The following LAMA2 variants were observed in gnomAD, a reference collection of about 807,000 sequenced individuals.
LAMA2 encodes laminin subunit alpha 2.
Under a neutral mutation model 364.8 loss-of-function variants are expected in LAMA2, and 269 were observed. The observed-to-expected ratio is 0.74, with a 90% CI of 0.67 to 0.82. LAMA2 has a LOEUF of 0.82. Among genes scored for constraint, LAMA2 ranks in the 40% least tolerant of loss-of-function variants. The pLI is 0.00. For synonymous variants in LAMA2, 1,379 were observed against 1,370.6 expected, an observed-to-expected ratio of 1.01 and a Z score of -0.14; for missense variants, 3,807 against 3,873.2, an observed-to-expected ratio of 0.98 and a Z score of 0.45.
intron 20 of LAMA2, among the ~76,000 whole-genome samples, chr6:129,292,066 G>T (rs188589153): frequency 6.6e-6 from 1 of 152,288 alleles, no homozygotes; most frequent in East Asian, 1.9e-4. Context: ...TACTCTTGGG[G>T]CTGGGCGCGG....
chr6:129,319,470 C>G (rs553909503), intron 27 of LAMA2, among the ~76,000 whole-genome samples: 27 of 152,218 alleles, frequency 1.8e-4, no homozygotes, highest in South Asian at 4.2e-4. Context: ...AATATGTACT[C>G]TTAACATTTG....
chr6:128,957,753 G>A (rs940387954), intron 1 of LAMA2, among the ~76,000 whole-genome samples: 6 of 151,232 alleles, frequency 4.0e-5, no homozygotes, highest in African/African-American at 1.5e-4. Context: ...ACACTCAGTA[G>A]TGACCAGGTC....
intron 1 of LAMA2, among the ~76,000 whole-genome samples, chr6:128,953,036 C>T (rs1229732216): frequency 6.6e-6 from 1 of 152,162 alleles, no homozygotes; most frequent in Admixed American, 6.5e-5. Context: ...GGAAAAATAC[C>T]TCCTGTTCTT....
chr6:128,970,372 C>A (rs1466521483), intron 1 of LAMA2, among the ~76,000 whole-genome samples: 3 of 152,110 alleles, frequency 2.0e-5, no homozygotes, highest in Non-Finnish European at 4.4e-5. Flanking sequence ...AAACGTCTGT[C>A]ACTTTTAATA....
chr6:129,452,001 C>T (rs1782698628), intron 45 of LAMA2, among the ~76,000 whole-genome samples: 1 of 152,184 alleles, frequency 6.6e-6, no homozygotes, highest in Non-Finnish European at 1.5e-5. Context: ...TGGAAATTCA[C>T]TGCTAGTGAA....
Position 129,318,594 on chromosome 6 carries a change from T to G in LAMA2, c.4059-1944T>G, listed in dbSNP as rs568492472. Among the ~76,000 whole-genome samples the G allele has an allele frequency of 1.1e-4, 16 of 152,272 alleles. No homozygotes were observed. In the East Asian group the frequency reaches 2.3e-3, roughly 22 times the overall value. On this transcript the variant is annotated intron_variant, in intron 27 of 64. Coordinates refer to ENST00000421865, the MANE Select transcript of LAMA2 (RefSeq NM_000426.4). ...TGCCAATGCAAAGTTACCTTCTTACTCCCACAGAGAGCCCAGAGAACATAA... is the reference window on the plus strand; with the variant it reads ...TGCCAATGCAAAGTTACCTTCTTACGCCCACAGAGAGCCCAGAGAACATAA...
chr6:129,505,136 C>T, intron 60 of LAMA2, 64 bp from the exon 61 acceptor site: 1 of 1,417,188 alleles, frequency 7.1e-7, no homozygotes, highest in Non-Finnish European at 1.0e-6. Context: ...GTCCTTATGT[C>T]TTATACTCTG....
chr6:129,014,347 G>A (rs1784951209), intron 1 of LAMA2, among the ~76,000 whole-genome samples: 1 of 152,060 alleles, frequency 6.6e-6, no homozygotes, highest in African/African-American at 2.4e-5. Context: ...TCCCCTCTGC[G>A]TTTATACCAT....
intron 1 of LAMA2, among the ~76,000 whole-genome samples, chr6:128,977,634 A>G (rs1782616178): frequency 6.6e-6 from 1 of 152,040 alleles, no homozygotes; most frequent in Non-Finnish European, 1.5e-5. Context: ...ATTACCTTCA[A>G]CAGTGCTTTC....
chr6:129,375,184 T>C (rs1455399962), intron 34 of LAMA2, among the ~76,000 whole-genome samples: 2 of 152,162 alleles, frequency 1.3e-5, no homozygotes, highest in Non-Finnish European at 1.5e-5. Flanking sequence ...TACATAATCA[T>C]ATATCTCTTT....
At chr6:129,315,683 G>A (rs749669922) in intron 25 of LAMA2, 28 bp downstream of exon 25, 1 of 1,611,676 alleles carries the variant, frequency 6.2e-7, no homozygotes, top group East Asian at 2.2e-5. Flanking sequence ...AATGTCAAGT[G>A]AGAACAAGAT....
At chr6:128,960,462 ACC>A (rs201946370) in intron 1 of LAMA2, among the ~76,000 whole-genome samples, 2 of 99,542 alleles carry the variant, frequency 2.0e-5, no homozygotes, top group South Asian at 6.6e-4. Context: ...CCTTGGCCCC[ACC>A]CCGCCCCCGC....
intron 1 of LAMA2, among the ~76,000 whole-genome samples, chr6:128,974,832 G>A (rs1016340168): frequency 1.5e-4 from 23 of 150,910 alleles, no homozygotes; most frequent in Middle Eastern, 3.5e-3. Flanking sequence ...TCTGCTTTGT[G>A]ACACAATTTA....
intron 3 of LAMA2, among the ~76,000 whole-genome samples, chr6:129,067,263 A>G (rs1268402871): frequency 6.8e-6 from 1 of 146,282 alleles, no homozygotes; most frequent in East Asian, 2.0e-4. Flanking sequence ...CCTTAAGTAC[A>G]ACAGAATATA....
At chr6:129,351,231 C>A (rs1776835774) in intron 31 of LAMA2, among the ~76,000 whole-genome samples, 1 of 152,114 alleles carries the variant, frequency 6.6e-6, no homozygotes, top group East Asian at 1.9e-4. Context: ...ACTGTAGTTA[C>A]CATTTTCTAC....
chr6:129,437,843 C>T (rs1781909814), intron 41 of LAMA2, among the ~76,000 whole-genome samples: 1 of 151,846 alleles, frequency 6.6e-6, no homozygotes, highest in Non-Finnish European at 1.5e-5. Context: ...TTTCTTTCCC[C>T]TTAATGATTT....
chr6:129,153,253 C>T (rs1008936657), intron 7 of LAMA2, among the ~76,000 whole-genome samples: 12 of 152,196 alleles, frequency 7.9e-5, no homozygotes, highest in Non-Finnish European at 1.6e-4. Flanking sequence ...AATGATTTCA[C>T]ATGCATTATC....
At position 129,440,256 on chromosome 6, in the gene LAMA2, C is replaced by T. The variant is rs539300946; in HGVS notation, c.6086-560C>T. Among the ~76,000 whole-genome samples, 27 of 152,054 alleles carry T rather than the reference C, an allele frequency of 1.8e-4. No individual in the cohort carries two copies. The South Asian group carries it at 3.3e-3, about 19-fold the overall frequency. ...TACAACACAGTTAATATTAAAATCTCGGTGGTTTTTACTTTTTTAACGTTT... is the reference window on the plus strand; with the variant it reads ...TACAACACAGTTAATATTAAAATCTTGGTGGTTTTTACTTTTTTAACGTTT... On this transcript the variant is annotated intron_variant, in intron 42 of 64. Coordinates refer to ENST00000421865, the MANE Select transcript of LAMA2 (RefSeq NM_000426.4).
intron 1 of LAMA2, among the ~76,000 whole-genome samples, chr6:128,971,952 G>A (rs1312376780): frequency 6.6e-6 from 1 of 152,126 alleles, no homozygotes; most frequent in Admixed American, 6.5e-5. Context: ...CAAGCCATTA[G>A]CAGCCAACCC....
Sources: allele counts gnomAD v4.1 joint callset (sites outside exome capture counted in the v4.1 genomes callset), GRCh38; gene constraint gnomAD v4.1.1; transcripts MANE v1.5; gene names NCBI Gene and HGNC (gene_info 2026-07-23, HGNC 2026-07-21).